Variants in RHOC observed in about 807,000 individuals in gnomAD.
The protein encoded by RHOC is rho-related GTP-binding protein RhoC.
Under a neutral mutation model 19.5 loss-of-function variants are expected in RHOC, and 13 were observed. That is an observed-to-expected ratio of 0.67 (90% CI 0.43 to 1.06). RHOC has a LOEUF of 1.06. Ranked by LOEUF, RHOC falls within the 50% of genes least tolerant of loss-of-function variation. RHOC has a pLI of 0.00. For synonymous variants in RHOC, 106 were observed against 97.3 expected (o/e 1.09, Z -0.52); for missense variants, 173 against 256.9 (o/e 0.67, Z 2.23).
In RHOC at chr1:112,706,430, T is replaced by TAC. The variant is rs149206424; in HGVS notation, c.-77+646_-77+647dup. 3.0e-3 allele frequency among the ~76,000 whole-genome samples: 149 copies of TAC among 49,676 alleles called. 9 individuals are homozygous for TAC. The highest frequency in any genetic ancestry group is 0.012 in the African/African-American group (134 of 11,532). 32.6% of individuals were successfully genotyped at this position (49,676 alleles called of 152,430 possible). A position where few individuals can be genotyped will look rare whatever the true frequency, so the allele number is the denominator to read the frequency against. ...CATTTTCTCTCTCTCTCTCTCTCTC[T>TAC]ACACACACACACACACACACACACA... On this transcript the variant is annotated intron_variant, in intron 1 of 5. Coordinates refer to ENST00000339083, the MANE Select transcript of RHOC (RefSeq NM_175744.5).
rs186360170 is a variant in RHOC, at chr1:112,701,780, A to G, written c.409-67T>C. On this transcript the variant is annotated intron_variant, in intron 5 of 5. Transcript: ENST00000339083. Reference sequence around the variant, plus strand: ...TACATGAACCTCTCCTGCCTCACCCATAAGTGTAGCAGCTGGAACAAATGC... The same window carrying G: ...TACATGAACCTCTCCTGCCTCACCCGTAAGTGTAGCAGCTGGAACAAATGC... 1.2e-4 allele frequency: 180 copies of G among 1,518,320 alleles called. 1 individual carries two copies. In the East Asian group the frequency reaches 1.9e-3, roughly 16 times the overall value. The allele number at this position is 1,518,320 out of a possible 1,614,324, so 94.1% of individuals were successfully genotyped here. A position where few individuals can be genotyped will look rare whatever the true frequency, so the allele number is the denominator to read the frequency against.
At chr1:112,702,786 A>C in intron 4 of RHOC, 93 bp from the exon 5 acceptor site, 1 of 1,533,388 alleles carries the variant, frequency 6.5e-7, no homozygotes, top group Non-Finnish European at 8.9e-7. Flanking sequence ...CAGTCTTAGA[A>C]GCCATTCAGC....
chr1:112,707,194 G>A (rs1674926530), upstream of RHOC: 1 of 150,282 alleles, frequency 6.7e-6, no homozygotes, highest in South Asian at 2.1e-4. Context: ...GCAGGGGGAG[G>A]GTCGGCCGGG....
intron 4 of RHOC, 116 bp downstream of exon 4, chr1:112,702,883 T>G (rs1056179590): frequency 1.4e-6 from 2 of 1,427,272 alleles, no homozygotes; most frequent in Non-Finnish European, 1.9e-6. Flanking sequence ...CAACAGGGCC[T>G]GAGTGCTCCC....
intron 1 of RHOC, chr1:112,705,580 A>T (rs1197263039): frequency 6.4e-6 from 3 of 466,626 alleles, no homozygotes; most frequent in Non-Finnish European, 1.3e-5. Context: ...CTGATTCCCC[A>T]GAAGACAAGC....
rs112154262 is a variant in RHOC at position 112,703,199 on chromosome 1, C to G, written c.157-80G>C. ...AAGGTCCCCTGAAACCACTGTCCTT[C>G]GGGCTCACTGAACTTCTTTATTTGA... On this transcript the variant is annotated intron_variant, in intron 3 of 5. Coordinates refer to ENST00000339083, the MANE Select transcript of RHOC (RefSeq NM_175744.5). The G allele has an allele frequency of 3.3e-5, 51 of 1,540,454 alleles. No individual in the cohort carries two copies. In the African/African-American group the frequency reaches 5.7e-4, roughly 17 times the overall value.
chr1:112,701,637 T>C lies in RHOC; in HGVS notation c.485A>G (p.Lys162Arg). The C allele has an allele frequency of 6.2e-7, 1 of 1,614,114 alleles. No homozygotes were observed. Among genetic ancestry groups the C allele is most frequent in the Non-Finnish European group, 8.5e-7 (1 of 1,180,002 alleles). The change falls in exon 6 of 6, where the codon AAG (lysine) becomes AGG (arginine). Residue 162 changes from lysine to arginine, a missense_variant. By Grantham distance (26) the Lys-to-Arg change is conservative (BLOSUM62 2). Coordinates refer to ENST00000339083, the MANE Select transcript of RHOC (RefSeq NM_175744.5). Reference protein sequence around the residue: ...SAFGYLECSAKTKEGVREVFE... With the variant: ...SAFGYLECSARTKEGVREVFE... ...CACCTCCCGCACTCCCTCCTTGGTC[T>C]TGGCTGAGCACTCAAGGTAGCCAAA...
In RHOC at chr1:112,707,125, A is replaced by G. The variant is rs1184742545; in HGVS notation, c.-124T>C. On this transcript the variant is annotated 5_prime_UTR_variant, in exon 1 of 6. Coordinates refer to ENST00000339083, the MANE Select transcript of RHOC (RefSeq NM_175744.5). ...TGCGCGGCCGGTGCCGGAGGCTCAG[A>G]CTGACCCCAGGGCCCCGCCCCGCCC... 1 of 151,074 alleles carries G rather than the reference A, an allele frequency of 6.6e-6. No homozygotes were observed. Among genetic ancestry groups the G allele is most frequent in the Non-Finnish European group, 1.5e-5 (1 of 67,694 alleles). The allele number at this position is 151,074 out of a possible 1,614,324, so 9.4% of individuals were successfully genotyped here.
chr1:112,705,849 C>T lies in RHOC; in HGVS notation c.-76-681G>A, dbSNP rs144900302. 776 of 359,848 alleles carry T rather than the reference C, an allele frequency of 2.2e-3. 4 individuals are homozygous for T. The highest frequency in any genetic ancestry group is 0.015 in the African/African-American group (687 of 47,036). The allele number at this position is 359,848 out of a possible 1,614,324, so 22.3% of individuals were successfully genotyped here. The stretch of plus-strand genomic sequence containing the variant: ...TAGGCATGAGTATGCCACTGCTGTC[C>T]CCCCAGCAGGGTAATTCAGACGGCA... On this transcript the variant is annotated intron_variant, in intron 1 of 5. Transcript: ENST00000339083.
chr1:112,706,489 CACACACACACACA>C (rs1674884461), intron 1 of RHOC, among the ~76,000 whole-genome samples: 9 of 29,382 alleles, frequency 3.1e-4, no homozygotes, highest in Admixed American at 5.0e-4. Flanking sequence ...CACACACACA[CACACACACACACA>C]CACACACACA....
chr1:112,703,245 A>G (rs1364659950), intron 3 of RHOC, 126 bp from the exon 4 acceptor site: 1 of 1,012,128 alleles, frequency 9.9e-7, no homozygotes, highest in Admixed American at 2.3e-5. Flanking sequence ...TGCACCAGGC[A>G]TTATATTAAT....
In RHOC at chr1:112,705,313, TTC is replaced by T. The variant is rs1030103768; in HGVS notation, c.-76-147_-76-146del. 39 of 640,576 alleles carry T rather than the reference TTC, an allele frequency of 6.1e-5. No individual in the cohort carries two copies. The African/African-American group carries it at 6.5e-4, about 11-fold the overall frequency. The allele number at this position is 640,576 out of a possible 1,614,324, so 39.7% of individuals were successfully genotyped here. A position where few individuals can be genotyped will look rare whatever the true frequency, so the allele number is the denominator to read the frequency against. Reference sequence around the variant, plus strand: ...TGATCTCAGCCTCAAACCTAGCTTTTTCTCTCAGTCCCACATCCTGTCAAACT... The same window carrying T: ...TGATCTCAGCCTCAAACCTAGCTTTTTCTCAGTCCCACATCCTGTCAAACT... On this transcript the variant is annotated intron_variant, in intron 1 of 5. Transcript: ENST00000339083.
In RHOC at chr1:112,705,107, CG is replaced by C. The variant is rs1424050570; in HGVS notation, c.-16del. The C allele has an allele frequency of 7.1e-6, 5 of 702,304 alleles. No homozygotes were observed. The highest frequency in any genetic ancestry group is 1.3e-5 in the Non-Finnish European group (5 of 384,830). The allele number at this position is 702,304 out of a possible 1,614,324, so 43.5% of individuals were successfully genotyped here. A position where few individuals can be genotyped will look rare whatever the true frequency, so the allele number is the denominator to read the frequency against. Reference sequence around the variant, plus strand: ...CTGGGGAGGGGAACTGACCTCCAGCCGGCTGAAGTTCCCAGGCTGCAGGAAG... The same window carrying C: ...CTGGGGAGGGGAACTGACCTCCAGCCGCTGAAGTTCCCAGGCTGCAGGAAG... On this transcript the variant is annotated 5_prime_UTR_variant, in exon 2 of 6. Transcript: ENST00000339083.
chr1:112,705,728 C>T, intron 1 of RHOC: 4 of 453,478 alleles, frequency 8.8e-6, no homozygotes, highest in Admixed American at 4.7e-5. Context: ...ATTAGTTCAC[C>T]TTGCCCTGTT....
chr1:112,705,255 A>C, intron 1 of RHOC, 87 bp from the exon 2 acceptor site: 1 of 686,714 alleles, frequency 1.5e-6, no homozygotes, highest in East Asian at 2.8e-5. Flanking sequence ...AGCACCAACC[A>C]GGCAGGGAGC....
rs772678884 is a variant in RHOC at position 112,702,709 on chromosome 1, C to T, written c.278-16G>A. Reference sequence around the variant, plus strand: ...GGAATGTTTTCTGTGTAGACATGCACCAACAGGTGTCGGTGCCTCCACTTA... The same window carrying T: ...GGAATGTTTTCTGTGTAGACATGCATCAACAGGTGTCGGTGCCTCCACTTA... On this transcript the variant is annotated splice_polypyrimidine_tract_variant and intron_variant, in intron 4 of 5. Coordinates refer to ENST00000339083, the MANE Select transcript of RHOC (RefSeq NM_175744.5). The T allele has an allele frequency of 2.5e-6, 4 of 1,613,878 alleles. No individual in the cohort carries two copies. Among genetic ancestry groups the T allele is most frequent in the African/African-American group, 1.3e-5 (1 of 74,992 alleles).
intron 1 of RHOC, 31 bp from the exon 2 acceptor site, chr1:112,705,199 G>A (rs1313729083): frequency 1.4e-6 from 1 of 702,250 alleles, no homozygotes; most frequent in Non-Finnish European, 2.6e-6. Context: ...GCTAGAGTCT[G>A]GGCTGGGAGG....
chr1:112,705,272 G>A, intron 1 of RHOC, 104 bp from the exon 2 acceptor site: 1 of 670,480 alleles, frequency 1.5e-6, no homozygotes, highest in South Asian at 1.5e-5. Context: ...GAGCAGTTAA[G>A]AAAGCGACGG....
chr1:112,701,857 C>T, intron 5 of RHOC, 144 bp from the exon 6 acceptor site: 2 of 789,884 alleles, frequency 2.5e-6, no homozygotes, highest in Non-Finnish European at 4.1e-6. Flanking sequence ...CTACCCTGGG[C>T]AGCTTCGTGG....
Sources: allele counts gnomAD v4.1 joint callset (sites outside exome capture counted in the v4.1 genomes callset), GRCh38; gene constraint gnomAD v4.1.1; transcripts MANE v1.5; gene names NCBI Gene and HGNC (gene_info 2026-07-23, HGNC 2026-07-21).